Variants in ZNF214 observed in about 807,000 individuals in gnomAD.
The protein encoded by ZNF214 is zinc finger protein 214.
A neutral mutation model predicts 53.9 loss-of-function variants in ZNF214; 43 were observed. The observed-to-expected ratio is 0.80, with a 90% CI of 0.63 to 1.03. ZNF214 has a LOEUF of 1.03. Among genes scored for constraint, ZNF214 ranks in the 50% least tolerant of loss-of-function variants. The pLI, the probability that ZNF214 is intolerant of heterozygous loss-of-function variation, is 0.00. For synonymous variants in ZNF214, 217 were observed against 229.5 expected (o/e 0.95, Z 0.49); for missense variants, 724 against 719.1 (o/e 1.01, Z -0.08).
At position 7,018,625 on chromosome 11, in the gene ZNF214, C is replaced by T. The variant is rs1851834850; in HGVS notation, c.-21+1448G>A. Reference sequence around the variant, plus strand: ...CAAGCAATTCTCCTGCTTCAGCCTCCTGAGTAGCTGGGATTACAGGTGCCT... The same window carrying T: ...CAAGCAATTCTCCTGCTTCAGCCTCTTGAGTAGCTGGGATTACAGGTGCCT... On this transcript the variant is annotated intron_variant, in intron 1 of 2. Transcript: ENST00000278314. Among the ~76,000 whole-genome samples the T allele has an allele frequency of 2.7e-5, 4 of 150,300 alleles. No homozygotes were observed. In the South Asian group the frequency reaches 8.4e-4, roughly 32 times the overall value.
chr11:7,005,079 A>G (rs927072732), intron 1 of ZNF214, among the ~76,000 whole-genome samples: 2 of 151,994 alleles, frequency 1.3e-5, no homozygotes, highest in African/African-American at 4.8e-5. Flanking sequence ...TAGCAAAAGA[A>G]TTCTCTTAAA....
At position 7,002,689 on chromosome 11, in the gene ZNF214, A is replaced by G; in HGVS notation, c.127+20T>C. ...GCTCCTAGAAGAAACTCTATTCCCT[A>G]TGAGACGGGATAACTTTACCTACTG... is the stretch of plus-strand genomic sequence containing the variant. On this transcript the variant is annotated intron_variant, in intron 2 of 2. Coordinates refer to ENST00000278314, the MANE Select transcript of ZNF214 (RefSeq NM_013249.4). The G allele has an allele frequency of 6.3e-7, 1 of 1,578,264 alleles. No homozygotes were observed.
rs562558361 is a variant in ZNF214, at chr11:7,003,405, T to G, written c.-20-550A>C. Among the ~76,000 whole-genome samples, 30 of 152,058 alleles carry G rather than the reference T, an allele frequency of 2.0e-4. No individual in the cohort carries two copies. The South Asian group carries it at 2.1e-3, about 11-fold the overall frequency. On this transcript the variant is annotated intron_variant, in intron 1 of 2. Transcript: ENST00000278314. ...GAAGGAAAGCCAAATACTATCATCA[T>G]CAGCAGCAGCAGCAGCACCATCATA... is the stretch of plus-strand genomic sequence containing the variant.
chr11:7,000,632 G>A lies in ZNF214; in HGVS notation c.1051C>T (p.Leu351Phe), dbSNP rs1851313772. The part of the protein sequence containing the change: ...RNSLLHIHQR[L>F]HIGEKPFKCN... The stretch of plus-strand genomic sequence containing the variant: ...TTAAAAGGCTTCTCTCCTATGTGAA[G>A]TCTCTGGTGAATGTGAAGTAATGAA... The change falls in exon 3 of 3, where the codon CTT becomes TTT. Residue 351 changes from leucine (L) to phenylalanine (F), a missense_variant. Leu to Phe is a conservative substitution (Grantham distance 22, BLOSUM62 0). Transcript: ENST00000278314. 5 of 1,601,378 alleles carry A rather than the reference G, an allele frequency of 3.1e-6. No individual in the cohort carries two copies. Among genetic ancestry groups the A allele is most frequent in the Non-Finnish European group, 4.3e-6 (5 of 1,175,862 alleles).
intron 1 of ZNF214, among the ~76,000 whole-genome samples, chr11:7,017,686 C>A (rs1461689736): frequency 6.6e-6 from 1 of 151,766 alleles, no homozygotes; most frequent in African/African-American, 2.4e-5. Context: ...TTGCAGTGAG[C>A]CGAGATTATG....
chr11:7,000,563 G>T lies in ZNF214; in HGVS notation c.1120C>A (p.His374Asn). 6.2e-7 allele frequency: 1 copy of T among 1,611,936 alleles called. No individual in the cohort carries two copies. Among genetic ancestry groups the T allele is most frequent in the Non-Finnish European group, 8.5e-7 (1 of 1,179,064 alleles). Residue 374 changes from histidine (H) to asparagine (N), a missense_variant, in exon 3 of 3, where the codon CAT (histidine) becomes AAT (asparagine). By Grantham distance (68) the His-to-Asn change is moderately conservative (BLOSUM62 1). Transcript: ENST00000278314. ...CCTGTGTGGACTCTCTGATGAACATGAAGTACTGAACTCCGATTAAAACTC... is the reference window on the plus strand; with the variant it reads ...CCTGTGTGGACTCTCTGATGAACATTAAGTACTGAACTCCGATTAAAACTC... Reference protein sequence around the residue: ...GKSFNRSSVLHVHQRVHTGEK... With the variant: ...GKSFNRSSVLNVHQRVHTGEK...
At chr11:7,003,758 C>T (rs1851413217) in intron 1 of ZNF214, among the ~76,000 whole-genome samples, 1 of 151,842 alleles carries the variant, frequency 6.6e-6, no homozygotes, top group Non-Finnish European at 1.5e-5. Context: ...AAATATGCCA[C>T]CAAACTACTA....
At chr11:7,004,053 T>C (rs1851420085) in intron 1 of ZNF214, among the ~76,000 whole-genome samples, 1 of 151,852 alleles carries the variant, frequency 6.6e-6, no homozygotes, top group African/African-American at 2.4e-5. Flanking sequence ...TCTAATTTTA[T>C]AAAAAGTACA....
chr11:7,000,135 ATGAAT>A lies in ZNF214; in HGVS notation c.1543_1547del (p.Ile515SerfsTer11). Reference sequence around the variant, plus strand: ...GCTTTTCTCCTGTATGGACTCTCTGATGAATGAGAAGATGTGAACGCTGACTGAAT... The same window carrying A: ...GCTTTTCTCCTGTATGGACTCTCTGAGAGAAGATGTGAACGCTGACTGAAT... On this transcript the variant is annotated frameshift_variant, in exon 3 of 3. Transcript: ENST00000278314. LOFTEE classifies it high-confidence loss of function. 1 of 1,613,368 alleles carries A rather than the reference ATGAAT, an allele frequency of 6.2e-7. No individual in the cohort carries two copies. Among genetic ancestry groups the A allele is most frequent in the Non-Finnish European group, 8.5e-7 (1 of 1,179,600 alleles).
Position 7,000,701 on chromosome 11 carries a change from C to G in ZNF214, c.982G>C (p.Glu328Gln). ...LHNHQRVHTE[E>Q]KFYKIECDKD... ...TCACACTCAATTTTATAGAATTTCT[C>G]TTCTGTGTGGACTCTTTGATGATTG... is the stretch of plus-strand genomic sequence containing the variant. The change falls in exon 3 of 3, where the codon GAG becomes CAG. Residue 328 changes from glutamate to glutamine, a missense_variant. Coordinates refer to ENST00000278314, the MANE Select transcript of ZNF214 (RefSeq NM_013249.4). 1 of 1,605,398 alleles carries G rather than the reference C, an allele frequency of 6.2e-7. No individual in the cohort carries two copies. The highest frequency in any genetic ancestry group is 8.5e-7 in the Non-Finnish European group (1 of 1,177,506).
chr11:7,007,995 T>C (rs1456102602), intron 1 of ZNF214, among the ~76,000 whole-genome samples: 1 of 151,850 alleles, frequency 6.6e-6, no homozygotes, highest in Non-Finnish European at 1.5e-5. Flanking sequence ...CCAAGTAACA[T>C]ACTATATTAT....
chr11:7,017,831 T>G (rs983718630), intron 1 of ZNF214, among the ~76,000 whole-genome samples: 3 of 152,152 alleles, frequency 2.0e-5, no homozygotes. Flanking sequence ...AAAACATGCT[T>G]GGAAAAATGC....
chr11:7,016,097 T>C (rs1022230948), intron 1 of ZNF214: 2 of 152,200 alleles, frequency 1.3e-5, no homozygotes, highest in African/African-American at 2.4e-5. Context: ...AAGAATTATA[T>C]CAGATATGCA....
intron 1 of ZNF214, among the ~76,000 whole-genome samples, chr11:7,015,661 A>G (rs1426373003): frequency 6.6e-6 from 1 of 152,182 alleles, no homozygotes; most frequent in Non-Finnish European, 1.5e-5. Flanking sequence ...AGAAATAAAT[A>G]TAATTTTGTT....
chr11:7,000,590 T>C lies in ZNF214; in HGVS notation c.1093A>G (p.Lys365Glu). 1.9e-6 allele frequency: 3 copies of C among 1,610,644 alleles called. No homozygotes were observed. Among genetic ancestry groups the C allele is most frequent in the Non-Finnish European group, 2.5e-6 (3 of 1,178,644 alleles). The stretch of plus-strand genomic sequence containing the variant: ...AGTACTGAACTCCGATTAAAACTCT[T>C]ACCACACTGATTACATTTAAAAGGC... ...EKPFKCNQCG[K>E]SFNRSSVLHV... Residue 365 changes from lysine to glutamate, a missense_variant, in exon 3 of 3, where the codon AAG becomes GAG. Physicochemically the swap from Lys to Glu is moderately conservative, Grantham distance 56 (BLOSUM62 1). Transcript: ENST00000278314.
At chr11:7,002,578 C>T in intron 2 of ZNF214, 131 bp downstream of exon 2, 2 of 1,048,054 alleles carry the variant, frequency 1.9e-6, no homozygotes, top group South Asian at 4.7e-5. Context: ...CTATTTGTAA[C>T]ATGATTTAAG....
In ZNF214 at chr11:7,000,951, T is replaced by C. The variant is rs753172353; in HGVS notation, c.732A>G (p.Glu244=). ...TACAGATGGAGCATTGACAGAGGTTTTCTCCAGGTTGATTTCTCTTGTGGA... is the reference window on the plus strand; with the variant it reads ...TACAGATGGAGCATTGACAGAGGTTCTCTCCAGGTTGATTTCTCTTGTGGA... ...CVFHKRNQPG[E]NLCQCSICKA... The change falls in exon 3 of 3, where the codon GAA becomes GAG. Residue 244 remains glutamate, a synonymous_variant. Transcript: ENST00000278314. 3 of 1,612,876 alleles carry C rather than the reference T, an allele frequency of 1.9e-6. No individual in the cohort carries two copies. Among genetic ancestry groups the C allele is most frequent in the Non-Finnish European group, 2.5e-6 (3 of 1,179,564 alleles).
rs970800442 is a variant in ZNF214, at chr11:6,998,027, C to G, written c.*1835G>C. 4.6e-5 allele frequency among the ~76,000 whole-genome samples: 7 copies of G among 151,944 alleles called. No individual in the cohort carries two copies. On this transcript the variant is annotated 3_prime_UTR_variant, in exon 3 of 3. Transcript: ENST00000278314. The stretch of plus-strand genomic sequence containing the variant: ...ATACCATGATTTCCACATTCACAAA[C>G]TCTCTTTAAGGCACATATACGCTAC...
chr11:7,001,365 C>G lies in ZNF214; in HGVS notation c.318G>C (p.Trp106Cys), dbSNP rs774193398. The G allele has an allele frequency of 9.9e-6, 16 of 1,612,950 alleles. No individual in the cohort carries two copies. The East Asian group carries it at 3.6e-4, about 36-fold the overall frequency. ...CTGGTACTTGTGTGGAGAGTATTAA[C>G]CATTCCTGACACTGGGAACGATCTT... ...TQQDRSQCQE[W>C]LILSTQVPGY... The change falls in exon 3 of 3, where the codon TGG (tryptophan) becomes TGC (cysteine). Residue 106 changes from tryptophan to cysteine, a missense_variant. Physicochemically the swap from Trp to Cys is radical, Grantham distance 215. Transcript: ENST00000278314.
Sources: gnomAD v4.1 joint callset for allele counts (sites outside exome capture counted in the v4.1 genomes callset) on GRCh38, gnomAD v4.1.1 for gene constraint, MANE v1.5 for transcripts, NCBI Gene and HGNC (gene_info 2026-07-23, HGNC 2026-07-21) for gene names.